PDE3B: variants seen among roughly 807,000 people sequenced by gnomAD.
PDE3B encodes phosphodiesterase 3B.
PDE3B carries 66 observed loss-of-function variants against 116.8 expected under a neutral mutation model. The observed-to-expected ratio is 0.56, with a 90% CI of 0.46 to 0.69. PDE3B has a LOEUF of 0.69. Among genes scored for constraint, PDE3B ranks in the 30% least tolerant of loss-of-function variants. The probability of loss-of-function intolerance (pLI) is 0.00; values close to 1 mark genes in which losing one functional copy is unlikely to be tolerated. For synonymous variants in PDE3B, 595 were observed against 533.6 expected (o/e 1.12, Z -1.59); for missense variants, 1,384 against 1,368.1 (o/e 1.01, Z -0.18).
At chr11:14,776,246 A>C (rs906329929) in intron 2 of PDE3B, 2 of 152,210 alleles carry the variant, frequency 1.3e-5, no homozygotes, top group African/African-American at 4.8e-5. Context: ...GGGGGAATTG[A>C]TTTGGAACCA....
intron 5 of PDE3B, among the ~76,000 whole-genome samples, chr11:14,812,844 A>G (rs1859191374): frequency 6.6e-6 from 1 of 152,138 alleles, no homozygotes; most frequent in South Asian, 2.1e-4. Flanking sequence ...TTACACCCCA[A>G]TTCATGTGTT....
rs184632602 is a variant in PDE3B, at chr11:14,707,559, A to G, written c.978+62506A>G. Among the ~76,000 whole-genome samples the G allele has an allele frequency of 1.5e-3, 229 of 152,072 alleles. 1 individual carries two copies. The highest frequency in any genetic ancestry group is 8.3e-3 in the East Asian group (43 of 5,174). On this transcript the variant is annotated intron_variant, in intron 1 of 15. Coordinates refer to ENST00000282096, the MANE Select transcript of PDE3B (RefSeq NM_000922.4). ...TGGAAGATTTTTATTGGGGATTTGG[A>G]AGTATAATAAAATAAATAATCATTA...
rs755439667 is a variant in PDE3B, at chr11:14,644,792, G to A, written c.717G>A (p.Ser239=). 2 of 1,609,742 alleles carry A rather than the reference G, an allele frequency of 1.2e-6. No individual in the cohort carries two copies. The highest frequency in any genetic ancestry group is 1.7e-6 in the Non-Finnish European group (2 of 1,178,174). ...VWWVSFTSLG[S]LPSALRPLLS... is the part of the protein sequence containing the mutation. ...GGGTCTCCTTCACCAGCCTCGGGTC[G>A]CTGCCCTCCGCCCTCAGGCCGCTGC... Residue 239 remains serine (S), a synonymous_variant, in exon 1 of 16, where the codon TCG becomes TCA. Transcript: ENST00000282096.
the PDE3B span, chr11:14,892,238 G>T: frequency 1.3e-6 from 2 of 1,591,048 alleles, no homozygotes; most frequent in East Asian, 2.3e-5. Flanking sequence ...CTCCACAGCA[G>T]CCCTGAGACC....
At chr11:14,651,014 G>T (rs561795476) in intron 1 of PDE3B, among the ~76,000 whole-genome samples, 3 of 151,986 alleles carry the variant, frequency 2.0e-5, no homozygotes, top group South Asian at 4.2e-4. Flanking sequence ...GTTTGCTAGG[G>T]CTGCCATGAC....
At chr11:14,761,519 T>G (rs1565125597) in intron 1 of PDE3B, among the ~76,000 whole-genome samples, 1 of 152,154 alleles carries the variant, frequency 6.6e-6, no homozygotes, top group Admixed American at 6.6e-5. Context: ...CTTTGTAAAG[T>G]TTTTTCTCAA....
intron 1 of PDE3B, among the ~76,000 whole-genome samples, chr11:14,648,668 CT>C (rs1853482053): frequency 1.3e-5 from 2 of 152,106 alleles, no homozygotes; most frequent in Admixed American, 1.3e-4. Context: ...TTAAAAATCT[CT>C]TATGGCTTTT....
chr11:14,832,474 A>G (rs1590180059), intron 9 of PDE3B, among the ~76,000 whole-genome samples: 3 of 152,236 alleles, frequency 2.0e-5, no homozygotes. Flanking sequence ...AAGGAGAAGA[A>G]TGGAAAAATT....
chr11:14,889,489 G>A, the PDE3B span, among the ~76,000 whole-genome samples: 1 of 152,136 alleles, frequency 6.6e-6, no homozygotes, highest in Non-Finnish European at 1.5e-5. Flanking sequence ...GGCAAACAAT[G>A]TCTACTCTTT....
chr11:14,892,411 C>T, the PDE3B span, among the ~76,000 whole-genome samples: 2 of 152,290 alleles, frequency 1.3e-5, no homozygotes, highest in South Asian at 2.1e-4. Context: ...AGCGGGTGGC[C>T]GGTGCTACCC....
intron 12 of PDE3B, among the ~76,000 whole-genome samples, chr11:14,856,521 T>C (rs1409605177): frequency 1.3e-5 from 2 of 152,214 alleles, no homozygotes; most frequent in African/African-American, 2.4e-5. Context: ...AATATTATTT[T>C]TTAAATGAAC....
chr11:14,843,870 T>C lies in PDE3B; in HGVS notation c.2364T>C (p.Ser788=). 1 of 1,614,208 alleles carries C rather than the reference T, an allele frequency of 6.2e-7. No homozygotes were observed. The highest frequency in any genetic ancestry group is 8.5e-7 in the Non-Finnish European group (1 of 1,180,022). Residue 788 remains serine (S), a synonymous_variant, in exon 12 of 16, where the codon TCT becomes TCC. Coordinates refer to ENST00000282096, the MANE Select transcript of PDE3B (RefSeq NM_000922.4). The part of the protein sequence containing the change: ...RINHGRIAYI[S]SKSCSNPDES... ...ACCATGGGCGAATTGCTTATATTTC[T>C]TCGAAGAGCTGCTCTAATCCTGATG...
In PDE3B at chr11:14,790,971, T is replaced by TTCTCA. The variant is rs1311573338; in HGVS notation, c.1415+1729_1415+1730insTCTCA. On this transcript the variant is annotated intron_variant, in intron 4 of 15. Coordinates refer to ENST00000282096, the MANE Select transcript of PDE3B (RefSeq NM_000922.4). ...GGAAATAGTTTATATCTGCACTGTC[T>TTCTCA]AATATGGTACTCCCTAGCTACATGT... is the stretch of plus-strand genomic sequence containing the variant. Among the ~76,000 whole-genome samples, 9 of 152,124 alleles carry TTCTCA rather than the reference T, an allele frequency of 5.9e-5. 1 individual carries two copies. The highest frequency in any genetic ancestry group is 2.2e-4 in the African/African-American group (9 of 41,450).
chr11:14,818,935 C>A (rs1356999888), intron 6 of PDE3B, among the ~76,000 whole-genome samples: 7 of 152,058 alleles, frequency 4.6e-5, no homozygotes, highest in African/African-American at 1.4e-4. Flanking sequence ...CCAATGTTGA[C>A]TTTTCAAAAA....
chr11:14,897,753 A>G, the PDE3B span, among the ~76,000 whole-genome samples: 3 of 152,058 alleles, frequency 2.0e-5, no homozygotes, highest in African/African-American at 4.8e-5. Context: ...TCACAGGAAT[A>G]CCCGGCTTTC....
intron 1 of PDE3B, among the ~76,000 whole-genome samples, chr11:14,683,888 G>A (rs188895412): frequency 6.6e-6 from 1 of 152,094 alleles, no homozygotes; most frequent in African/African-American, 2.4e-5. Context: ...ATTTGGTTCA[G>A]ACTATCTTCT....
chr11:14,822,583 A>G (rs7928396), intron 7 of PDE3B, among the ~76,000 whole-genome samples: 97,106 of 152,006 alleles, frequency 0.64, 31,071 homozygotes, highest in Middle Eastern at 0.7. Context: ...GCAACCCTTG[A>G]GTCAGGAGAC....
intron 1 of PDE3B, among the ~76,000 whole-genome samples, chr11:14,730,480 CATT>C (rs970054730): frequency 6.6e-6 from 1 of 152,128 alleles, no homozygotes; most frequent in African/African-American, 2.4e-5. Flanking sequence ...ATTCTTTTAA[CATT>C]ATTGTTGCAT....
At chr11:14,737,769 T>G (rs1204110399) in intron 1 of PDE3B, among the ~76,000 whole-genome samples, 2 of 36,190 alleles carry the variant, frequency 5.5e-5, no homozygotes, top group South Asian at 1.1e-3. Context: ...CCTTCCCCCC[T>G]CCCCCCACCC....
Sources: allele counts gnomAD v4.1 joint callset (sites outside exome capture counted in the v4.1 genomes callset), GRCh38; gene constraint gnomAD v4.1.1; transcripts MANE v1.5; gene names NCBI Gene and HGNC (gene_info 2026-07-23, HGNC 2026-07-21).